The following GTF2F2 variants were observed in gnomAD, a reference collection of about 807,000 sequenced individuals.
The protein encoded by GTF2F2 is ATP-dependent helicase GTF2F2.
In GTF2F2, 23 loss-of-function variants were observed where a neutral mutation model predicts 42.2. The ratio of observed to expected loss-of-function variants is 0.55; its 90% confidence interval spans 0.39 to 0.77. The LOEUF (loss-of-function observed/expected upper bound fraction) is 0.77, where lower values mean the gene tolerates loss of function less well. Among genes scored for constraint, GTF2F2 ranks in the 30% least tolerant of loss-of-function variants. The pLI is 0.00. For missense variants in GTF2F2, 261 were observed against 287.2 expected (o/e 0.91, Z 0.66); for synonymous variants, 105 against 100.8 (o/e 1.04, Z -0.25).
chr13:45,225,957 A>C (rs1211864141), intron 5 of GTF2F2, among the ~76,000 whole-genome samples: 1 of 152,184 alleles, frequency 6.6e-6, no homozygotes, highest in Non-Finnish European at 1.5e-5. Flanking sequence ...TTAACTCAAC[A>C]AGTATGAAAG....
At chr13:45,181,200 A>AAAAAAAAAAAAAAAAAAAC (rs766375703) in intron 4 of GTF2F2, among the ~76,000 whole-genome samples, 1 of 132,832 alleles carries the variant, frequency 7.5e-6, no homozygotes, top group African/African-American at 2.8e-5. Context: ...AAAAAAAAAA[A>AAAAAAAAAAAAAAAAAAAC]AAACCAGAAA....
intron 7 of GTF2F2, among the ~76,000 whole-genome samples, chr13:45,270,502 C>T (rs1414049210): frequency 1.3e-5 from 2 of 152,096 alleles, no homozygotes; most frequent in African/African-American, 4.8e-5. Context: ...CTCTCTTCCT[C>T]TCCCTCTTTT....
intron 7 of GTF2F2, among the ~76,000 whole-genome samples, chr13:45,267,964 TTA>T (rs749535536): frequency 5.9e-5 from 9 of 152,218 alleles, no homozygotes; most frequent in Admixed American, 2.0e-4. Flanking sequence ...TTTAGAAAGT[TTA>T]TGTTTGTTTT....
Position 45,191,960 on chromosome 13 carries a change from G to T in GTF2F2, c.305-15464G>T, listed in dbSNP as rs1057168566. ...TATCTCCTGTAAAAAGATATGTCAG[G>T]GTTATTTTTATTATCCGTAATGAAA... On this transcript the variant is annotated intron_variant, in intron 4 of 7. Transcript: ENST00000340473. Among the ~76,000 whole-genome samples the T allele has an allele frequency of 2.0e-4, 31 of 152,150 alleles. 1 individual carries two copies. The highest frequency in any genetic ancestry group is 6.5e-4 in the African/African-American group (27 of 41,522).
At chr13:45,179,044 C>T (rs551244241) in intron 4 of GTF2F2, among the ~76,000 whole-genome samples, 2 of 152,224 alleles carry the variant, frequency 1.3e-5, no homozygotes, top group South Asian at 4.1e-4. Context: ...GGCTGTTTTC[C>T]AAGAAAGCAA....
chr13:45,232,193 T>G (rs1874717981), intron 5 of GTF2F2, among the ~76,000 whole-genome samples: 1 of 152,236 alleles, frequency 6.6e-6, no homozygotes, highest in Admixed American at 6.5e-5. Context: ...ATTGAATTTC[T>G]AACCTAAACA....
intron 1 of GTF2F2, among the ~76,000 whole-genome samples, chr13:45,131,897 C>CAAAAAAAAAA (rs765260379): frequency 1.9e-5 from 1 of 53,204 alleles, no homozygotes; most frequent in African/African-American, 5.6e-5. Context: ...GACCCTGTCT[C>CAAAAAAAAAA]AAAAAAAAAA....
chr13:45,212,459 C>CTTTTCTTTTCTTTT (rs55758635), intron 5 of GTF2F2, among the ~76,000 whole-genome samples: 2 of 79,290 alleles, frequency 2.5e-5, no homozygotes, highest in African/African-American at 4.6e-5. Context: ...TTCTTTCTTT[C>CTTTTCTTTTCTTTT]TTTCTTTCTT....
intron 5 of GTF2F2, among the ~76,000 whole-genome samples, chr13:45,244,009 T>C (rs1354143713): frequency 2.0e-5 from 3 of 152,242 alleles, no homozygotes; most frequent in Non-Finnish European, 4.4e-5. Flanking sequence ...GTTGGTTGAA[T>C]CTGCAGGTAC....
intron 4 of GTF2F2, chr13:45,206,640 A>G (rs1054042156): frequency 1.3e-5 from 2 of 152,184 alleles, no homozygotes; most frequent in African/African-American, 4.8e-5. Context: ...TTATATGTGT[A>G]TTATACAATA....
At chr13:45,262,623 T>G (rs1876389783) in intron 6 of GTF2F2, among the ~76,000 whole-genome samples, 1 of 151,894 alleles carries the variant, frequency 6.6e-6, no homozygotes, top group Non-Finnish European at 1.5e-5. Context: ...TTTGCCATGT[T>G]CCCCAGGCTG....
Position 45,252,911 on chromosome 13 carries a change from C to A in GTF2F2, c.427C>A (p.Gln143Lys). 1 of 1,512,744 alleles carries A rather than the reference C, an allele frequency of 6.6e-7. No homozygotes were observed. The highest frequency in any genetic ancestry group is 8.8e-7 in the Non-Finnish European group (1 of 1,137,204). The allele number at this position is 1,512,744 out of a possible 1,614,324, so 93.7% of individuals were successfully genotyped here. A position where few individuals can be genotyped will look rare whatever the true frequency, so the allele number is the denominator to read the frequency against. Residue 143 changes from glutamine (Q) to lysine (K), a missense_variant, in exon 6 of 8, where the codon CAA (glutamine) becomes AAA (lysine). Transcript: ENST00000340473. ...EESSKPVRLSQQLDKVVTTNY... is the reference protein window; with the variant it reads ...EESSKPVRLSKQLDKVVTTNY... ...GTCTTCCAAACCAGTGAGGCTATCA[C>A]AACAGCTGGACAAAGTTGTAACAAC...
At chr13:45,242,497 T>C (rs1875367989) in intron 5 of GTF2F2, among the ~76,000 whole-genome samples, 1 of 152,146 alleles carries the variant, frequency 6.6e-6, no homozygotes, top group Non-Finnish European at 1.5e-5. Flanking sequence ...TGCAATCAAA[T>C]GCACAAAAGA....
At chr13:45,251,165 A>G (rs531684111) in intron 5 of GTF2F2, among the ~76,000 whole-genome samples, 10 of 152,188 alleles carry the variant, frequency 6.6e-5, no homozygotes, top group Non-Finnish European at 1.3e-4. Flanking sequence ...AATATCTTAT[A>G]TCTTCTCAGC....
chr13:45,205,014 T>TA (rs1399865266), intron 4 of GTF2F2, among the ~76,000 whole-genome samples: 1 of 152,146 alleles, frequency 6.6e-6, no homozygotes, highest in Non-Finnish European at 1.5e-5. Flanking sequence ...ATGGAGAAGG[T>TA]TGATAGCACA....
At chr13:45,234,248 A>T (rs938866021) in intron 5 of GTF2F2, among the ~76,000 whole-genome samples, 6 of 152,236 alleles carry the variant, frequency 3.9e-5, no homozygotes, top group African/African-American at 1.4e-4. Flanking sequence ...AACCAGAGCT[A>T]TGTGAAGAAT....
rs187612970 is a variant in GTF2F2, at chr13:45,158,410, C to T, written c.304+6579C>T. 1.4e-4 allele frequency among the ~76,000 whole-genome samples: 21 copies of T among 152,276 alleles called. No homozygotes were observed. In the East Asian group the frequency reaches 2.7e-3, roughly 20 times the overall value. On this transcript the variant is annotated intron_variant, in intron 4 of 7. Coordinates refer to ENST00000340473, the MANE Select transcript of GTF2F2 (RefSeq NM_004128.3). ...AAACTTCTTTTTCTTTATAAATTACCCAGTCTTGGGTATGTCATTATCAGC... is the reference window on the plus strand; with the variant it reads ...AAACTTCTTTTTCTTTATAAATTACTCAGTCTTGGGTATGTCATTATCAGC...
chr13:45,207,621 T>C (rs1873472014), intron 5 of GTF2F2, 116 bp downstream of exon 5: 2 of 636,018 alleles, frequency 3.1e-6, no homozygotes, highest in South Asian at 4.4e-5. Flanking sequence ...AGTGTTTGCT[T>C]CAAAAGCTGT....
At chr13:45,215,187 A>G (rs1446117503) in intron 5 of GTF2F2, among the ~76,000 whole-genome samples, 1 of 152,176 alleles carries the variant, frequency 6.6e-6, no homozygotes, top group African/African-American at 2.4e-5. Context: ...TCAGACTTCA[A>G]ATGTTAAGGA....
Sources: allele counts gnomAD v4.1 joint callset (sites outside exome capture counted in the v4.1 genomes callset), GRCh38; gene constraint gnomAD v4.1.1; transcripts MANE v1.5; gene names NCBI Gene and HGNC (gene_info 2026-07-23, HGNC 2026-07-21).